Variants in MRAS observed in about 807,000 individuals in gnomAD.
MRAS encodes the protein muscle RAS oncogene homolog.
Under a neutral mutation model 20.9 loss-of-function variants are expected in MRAS, and 4 were observed. That is an observed-to-expected ratio of 0.19 (90% CI 0.09 to 0.44). The LOEUF (loss-of-function observed/expected upper bound fraction) is 0.44, where lower values mean the gene tolerates loss of function less well. MRAS is among the 20% of genes least tolerant of loss of function. The probability of loss-of-function intolerance (pLI) is 0.99; values close to 1 mark genes in which losing one functional copy is unlikely to be tolerated. For missense variants in MRAS, 154 were observed against 277.5 expected (o/e 0.56, Z 3.16); for synonymous variants, 98 against 102.9 (o/e 0.95, Z 0.29).
intron 2 of MRAS, among the ~76,000 whole-genome samples, chr3:138,382,661 G>A (rs1043216648): frequency 3.9e-5 from 6 of 152,182 alleles, no homozygotes; most frequent in Admixed American, 2.0e-4. Context: ...AGTGAGGCTT[G>A]GACTCAGTGA....
In MRAS at chr3:138,379,357, CTTTTTTTTTTT is replaced by C. The variant is rs35120152; in HGVS notation, c.193+6295_193+6305del. Among the ~76,000 whole-genome samples the C allele has an allele frequency of 1.2e-4, 9 of 77,598 alleles. No individual in the cohort carries two copies. In the Admixed American group the frequency reaches 1.5e-3, roughly 13 times the overall value. The allele number at this position is 77,598 out of a possible 152,430, so 50.9% of individuals were successfully genotyped here. A position where few individuals can be genotyped will look rare whatever the true frequency, so the allele number is the denominator to read the frequency against. ...CATGTTGCTGCAAATGACAGAATGT[CTTTTTTTTTTT>C]TTTTTTTTTTTTTGAGACGGAGTCT... On this transcript the variant is annotated intron_variant, in intron 2 of 5. Coordinates refer to ENST00000423968, the MANE Select transcript of MRAS (RefSeq NM_001085049.3).
intron 2 of MRAS, among the ~76,000 whole-genome samples, chr3:138,379,274 A>G (rs1576366618): frequency 6.6e-6 from 1 of 151,676 alleles, no homozygotes; most frequent in Admixed American, 6.6e-5. Flanking sequence ...AGAGCATGCA[A>G]TATTTGTCTT....
chr3:138,373,981 G>A (rs915141428), intron 2 of MRAS, among the ~76,000 whole-genome samples: 1 of 151,632 alleles, frequency 6.6e-6, no homozygotes, highest in South Asian at 2.1e-4. Flanking sequence ...TGGGGGGACG[G>A]AGTCTCGCTC....
chr3:138,357,258 G>A (rs2054355100), intron 1 of MRAS, among the ~76,000 whole-genome samples: 1 of 152,248 alleles, frequency 6.6e-6, no homozygotes, highest in African/African-American at 2.4e-5. Flanking sequence ...AGTGCCTGGT[G>A]TTCAGGCAGG....
chr3:138,373,870 T>G (rs2054724672), intron 2 of MRAS, among the ~76,000 whole-genome samples: 1 of 141,262 alleles, frequency 7.1e-6, no homozygotes, highest in Admixed American at 7.8e-5. Flanking sequence ...ACACAGTATC[T>G]CTTTCCATTT....
At chr3:138,378,735 A>C (rs1381375456) in intron 2 of MRAS, among the ~76,000 whole-genome samples, 1 of 152,194 alleles carries the variant, frequency 6.6e-6, no homozygotes, top group East Asian at 1.9e-4. Context: ...TAAAGTGTAC[A>C]TAACATAAAA....
chr3:138,352,202 G>C (rs113686933), intron 1 of MRAS, among the ~76,000 whole-genome samples: 1 of 152,218 alleles, frequency 6.6e-6, no homozygotes, highest in African/African-American at 2.4e-5. Flanking sequence ...TGGAGACCAC[G>C]CTGCACTCGC....
At chr3:138,379,594 G>A (rs1459475486) in intron 2 of MRAS, among the ~76,000 whole-genome samples, 1 of 152,164 alleles carries the variant, frequency 6.6e-6, no homozygotes, top group Non-Finnish European at 1.5e-5. Flanking sequence ...CTGACCTCAG[G>A]TGATCTGCCC....
intron 2 of MRAS, among the ~76,000 whole-genome samples, chr3:138,384,375 T>G (rs756399700): frequency 4.6e-5 from 7 of 152,006 alleles, no homozygotes; most frequent in Non-Finnish European, 8.8e-5. Context: ...GGCTTGGGCA[T>G]TGGTGGAGGA....
At chr3:138,393,198 A>G (rs2055165547) in intron 2 of MRAS, among the ~76,000 whole-genome samples, 1 of 152,190 alleles carries the variant, frequency 6.6e-6, no homozygotes. Context: ...ATTCTCTTCA[A>G]ATTATGCAAC....
At chr3:138,349,228 C>T (rs963060843) in intron 1 of MRAS, 4 of 152,394 alleles carry the variant, frequency 2.6e-5, no homozygotes, top group African/African-American at 9.6e-5. Context: ...TCATAAACAA[C>T]CCTTCACTGC....
intron 1 of MRAS, among the ~76,000 whole-genome samples, chr3:138,365,752 C>T (rs2054545831): frequency 6.6e-6 from 1 of 152,208 alleles, no homozygotes; most frequent in Non-Finnish European, 1.5e-5. Context: ...CAGATTTTCT[C>T]TCTGGAGCAG....
chr3:138,387,399 G>A (rs943054639), intron 2 of MRAS, among the ~76,000 whole-genome samples: 3 of 152,220 alleles, frequency 2.0e-5, no homozygotes, highest in Non-Finnish European at 4.4e-5. Flanking sequence ...CTTGTTCACA[G>A]GCTGTGGGGA....
At chr3:138,387,825 T>C (rs775529985) in intron 2 of MRAS, among the ~76,000 whole-genome samples, 7 of 152,176 alleles carry the variant, frequency 4.6e-5, no homozygotes, top group African/African-American at 7.2e-5. Flanking sequence ...TGCACCGACA[T>C]ATGCAGTTTG....
chr3:138,397,530 TAGGGC>T, intron 3 of MRAS, 53 bp downstream of exon 3: 1 of 1,592,596 alleles, frequency 6.3e-7, no homozygotes, highest in Admixed American at 1.7e-5. Flanking sequence ...GCCTGCCTCC[TAGGGC>T]GCTCTCTCTC....
Position 138,402,215 on chromosome 3 carries a change from A to C in MRAS, c.573A>C (p.Lys191Asn). 6.2e-7 allele frequency: 1 copy of C among 1,614,202 alleles called. No homozygotes were observed. Among genetic ancestry groups the C allele is most frequent in the Non-Finnish European group, 8.5e-7 (1 of 1,180,018 alleles). Residue 191 changes from lysine to asparagine, a missense_variant, in exon 6 of 6, where the codon AAA becomes AAC. Around this residue, in one of 3 missense-constraint regions of MRAS, gnomAD observed 125 missense variants for 213.5 expected, o/e 0.59. Coordinates refer to ENST00000423968, the MANE Select transcript of MRAS (RefSeq NM_001085049.3). ...EKSQKKKKKT[K>N]WRGDRATGTH... ...GCCAGAAGAAGAAGAAGAAAACCAA[A>C]TGGCGGGGAGACCGGGCCACAGGCA...
At chr3:138,383,106 A>G (rs764658197) in intron 2 of MRAS, among the ~76,000 whole-genome samples, 10 of 152,198 alleles carry the variant, frequency 6.6e-5, no homozygotes, top group Non-Finnish European at 2.9e-5. Flanking sequence ...TAGTTGTTGC[A>G]AAGGATAAAT....
chr3:138,372,846 C>T lies in MRAS; in HGVS notation c.-18-20C>T, dbSNP rs1157862960. 6 of 1,478,466 alleles carry T rather than the reference C, an allele frequency of 4.1e-6. No individual in the cohort carries two copies. Among genetic ancestry groups the T allele is most frequent in the Non-Finnish European group, 4.5e-6 (5 of 1,115,752 alleles). 91.6% of individuals were successfully genotyped at this position (1,478,466 alleles called of 1,614,324 possible). A position where few individuals can be genotyped will look rare whatever the true frequency, so the allele number is the denominator to read the frequency against. ...GTTAAAAAAGCCCTCTGTCTCATTC[C>T]ACATGTCTTGCTGCCGCAGGTCTGA... On this transcript the variant is annotated intron_variant, in intron 1 of 5. Transcript: ENST00000423968.
At chr3:138,359,122 C>T (rs980860914) in intron 1 of MRAS, among the ~76,000 whole-genome samples, 4 of 152,132 alleles carry the variant, frequency 2.6e-5, no homozygotes, top group African/African-American at 9.7e-5. Context: ...GGCCTTGCCT[C>T]GCAGGAATGG....
Sources: gnomAD v4.1 joint callset for allele counts (sites outside exome capture counted in the v4.1 genomes callset) on GRCh38, gnomAD v4.1.1 for gene constraint, gnomAD v4.1.1 regional missense constraint, MANE v1.5 for transcripts, NCBI Gene and HGNC (gene_info 2026-07-23, HGNC 2026-07-21) for gene names.